The following CYP3A43 variants were observed in gnomAD, a reference collection of about 807,000 sequenced individuals.
The protein encoded by CYP3A43 is cytochrome P450 family 3 subfamily A member 43, also known as cytochrome P450 3A43.
A neutral mutation model predicts 58.0 loss-of-function variants in CYP3A43; 45 were observed. That is an observed-to-expected ratio of 0.78 (90% CI 0.61 to 0.99). The LOEUF is 0.99. CYP3A43 is among the 50% of genes least tolerant of loss of function. CYP3A43 has a pLI of 0.00. For missense variants in CYP3A43, 593 were observed against 591.9 expected, an observed-to-expected ratio of 1.00 and a Z score of -0.02; for synonymous variants, 191 against 201.4, an observed-to-expected ratio of 0.95 and a Z score of 0.44.
intron 7 of CYP3A43, among the ~76,000 whole-genome samples, chr7:99,853,504 A>T (rs1329591696): frequency 6.6e-6 from 1 of 151,776 alleles, no homozygotes; most frequent in African/African-American, 2.4e-5. Flanking sequence ...TTATTTCTTC[A>T]TCAATGTAGC....
intron 9 of CYP3A43, among the ~76,000 whole-genome samples, chr7:99,857,241 C>T (rs1818017994): frequency 6.6e-6 from 1 of 152,198 alleles, no homozygotes; most frequent in Non-Finnish European, 1.5e-5. Flanking sequence ...AATCAGGAGA[C>T]ACACTGTCCA....
intron 10 of CYP3A43, among the ~76,000 whole-genome samples, chr7:99,861,241 C>T (rs1818218161): frequency 6.6e-6 from 1 of 152,018 alleles, no homozygotes; most frequent in African/African-American, 2.4e-5. Flanking sequence ...TTTTCTTTTT[C>T]CTTGGTACAG....
intron 3 of CYP3A43, among the ~76,000 whole-genome samples, chr7:99,843,221 C>T (rs1817409728): frequency 6.6e-6 from 1 of 152,062 alleles, no homozygotes; most frequent in Non-Finnish European, 1.5e-5. Context: ...CCTACACACT[C>T]TCCTTCTTCT....
At chr7:99,862,787 ACAGACT>A (rs1284655822) in intron 11 of CYP3A43, among the ~76,000 whole-genome samples, 1 of 152,150 alleles carries the variant, frequency 6.6e-6, no homozygotes, top group Admixed American at 6.5e-5. Context: ...TACTGCTGGC[ACAGACT>A]CTGTACATAA....
chr7:99,837,180 G>T (rs1157606822), intron 2 of CYP3A43, among the ~76,000 whole-genome samples: 1 of 149,738 alleles, frequency 6.7e-6, no homozygotes, highest in Admixed American at 6.6e-5. Flanking sequence ...TTAGCCGGGC[G>T]CAGTGGCGGG....
At chr7:99,828,645 A>T (rs942143633) in intron 1 of CYP3A43, among the ~76,000 whole-genome samples, 1 of 152,062 alleles carries the variant, frequency 6.6e-6, no homozygotes, top group Admixed American at 6.5e-5. Flanking sequence ...TGGGTGACAG[A>T]GCAAGACTCC....
intron 11 of CYP3A43, among the ~76,000 whole-genome samples, chr7:99,863,258 C>A (rs535687323): frequency 1.3e-5 from 2 of 152,288 alleles, no homozygotes; most frequent in East Asian, 3.9e-4. Context: ...TATAAGTAGT[C>A]TTTTAAAAAC....
intron 7 of CYP3A43, among the ~76,000 whole-genome samples, chr7:99,852,574 T>G (rs1426048807): frequency 2.6e-5 from 4 of 152,228 alleles, no homozygotes; most frequent in Non-Finnish European, 4.4e-5. Context: ...AAATACAATT[T>G]TTTAATTCCA....
chr7:99,849,594 A>G lies in CYP3A43; in HGVS notation c.570A>G (p.Gly190=), dbSNP rs750871247. 3 of 1,613,020 alleles carry G rather than the reference A, an allele frequency of 1.9e-6. No individual in the cohort carries two copies. In the South Asian group the frequency reaches 3.3e-5, roughly 18 times the overall value. The change falls in exon 7 of 13, where the codon GGA becomes GGG. Residue 190 remains glycine (G), a synonymous_variant. Transcript: ENST00000354829. ...TMDVITGTLF[G]VNLDSLNNPQ... ...ATGTAATCACTGGCACATTATTTGG[A>G]GTGAACTTGGATTCTCTCAACAATC... is the stretch of plus-strand genomic sequence containing the variant.
intron 1 of CYP3A43, 142 bp from the exon 2 acceptor site, chr7:99,836,311 G>A (rs1817075110): frequency 1.5e-6 from 1 of 651,800 alleles, no homozygotes; most frequent in African/African-American, 1.8e-5. Flanking sequence ...TGTAATTATT[G>A]CCATCAGAGT....
chr7:99,852,379 T>G (rs901519017), intron 7 of CYP3A43, among the ~76,000 whole-genome samples: 16 of 152,306 alleles, frequency 1.1e-4, no homozygotes, highest in African/African-American at 2.9e-4. Context: ...GCAGATCCAT[T>G]TGAGAAGTAT....
Position 99,839,177 on chromosome 7 carries a change from G to A in CYP3A43, c.218+5G>A. ...AAAATACGGAGAAATGTGGGGGTGA[G>A]TATTCTGGAAACTTGCATTGGATAG... On this transcript the variant is annotated splice_donor_5th_base_variant and intron_variant, in intron 3 of 12. Transcript: ENST00000354829. The A allele has an allele frequency of 6.2e-7, 1 of 1,614,120 alleles. No homozygotes were observed. The highest frequency in any genetic ancestry group is 1.1e-5 in the South Asian group (1 of 91,078).
intron 3 of CYP3A43, 121 bp from the exon 4 acceptor site, chr7:99,844,022 T>C (rs1817443823): frequency 6.9e-6 from 5 of 723,782 alleles, no homozygotes; most frequent in Non-Finnish European, 1.2e-5. Flanking sequence ...CTTTGCTGTG[T>C]ATTGCACAAC....
intron 6 of CYP3A43, among the ~76,000 whole-genome samples, chr7:99,848,704 T>C (rs1817632597): frequency 6.6e-6 from 1 of 152,086 alleles, no homozygotes; most frequent in African/African-American, 2.4e-5. Flanking sequence ...ACCACCAAAA[T>C]ATGAAATATT....
At chr7:99,860,275 T>C (rs952711294) in intron 10 of CYP3A43, among the ~76,000 whole-genome samples, 10 of 152,300 alleles carry the variant, frequency 6.6e-5, no homozygotes, top group South Asian at 2.1e-4. Flanking sequence ...CAATGACAAC[T>C]AAAAACAATC....
intron 1 of CYP3A43, among the ~76,000 whole-genome samples, chr7:99,828,705 A>G (rs1437630314): frequency 6.6e-6 from 1 of 152,184 alleles, no homozygotes; most frequent in Non-Finnish European, 1.5e-5. Context: ...TTTGAACTAA[A>G]GAAGACTGAA....
At chr7:99,859,015 C>T (rs1818112592) in intron 9 of CYP3A43, among the ~76,000 whole-genome samples, 1 of 151,892 alleles carries the variant, frequency 6.6e-6, no homozygotes, top group Admixed American at 6.6e-5. Flanking sequence ...TAAAACCACT[C>T]ATTGGACTAC....
chr7:99,833,694 G>A (rs1816941005), intron 1 of CYP3A43, among the ~76,000 whole-genome samples: 1 of 152,128 alleles, frequency 6.6e-6, no homozygotes, highest in Non-Finnish European at 1.5e-5. Context: ...TTTTACAACA[G>A]AAGTGTTAAT....
At position 99,849,614 on chromosome 7, in the gene CYP3A43, A is replaced by G; in HGVS notation, c.590A>G (p.Asn197Ser). Residue 197 changes from asparagine to serine, a missense_variant, in exon 7 of 13, where the codon AAC becomes AGC. Transcript: ENST00000354829. ...TLFGVNLDSL[N>S]NPQDPFLKNM... ...TTTGGAGTGAACTTGGATTCTCTCAACAATCCACAAGATCCCTTTCTGAAA... is the reference window on the plus strand; with the variant it reads ...TTTGGAGTGAACTTGGATTCTCTCAGCAATCCACAAGATCCCTTTCTGAAA... 6.2e-7 allele frequency: 1 copy of G among 1,613,532 alleles called. No homozygotes were observed.
Sources: allele counts gnomAD v4.1 joint callset (sites outside exome capture counted in the v4.1 genomes callset), GRCh38; gene constraint gnomAD v4.1.1; transcripts MANE v1.5; gene names NCBI Gene and HGNC (gene_info 2026-07-23, HGNC 2026-07-21).